Variants in RGL1 observed in about 807,000 individuals in gnomAD.
RGL1 encodes the protein ral guanine nucleotide dissociation stimulator like 1, also known as ral guanine nucleotide dissociation stimulator-like 1.
Under a neutral mutation model 95.2 loss-of-function variants are expected in RGL1, and 24 were observed. That is an observed-to-expected ratio of 0.25 (90% CI 0.18 to 0.35). The LOEUF (loss-of-function observed/expected upper bound fraction) is 0.35, where lower values mean the gene tolerates loss of function less well. Among genes scored for constraint, RGL1 ranks in the 10% least tolerant of loss-of-function variants. The pLI, the probability that RGL1 is intolerant of heterozygous loss-of-function variation, is 1.00. For missense variants in RGL1, 715 were observed against 936.3 expected (o/e 0.76, Z 3.08); for synonymous variants, 329 against 344.9 (o/e 0.95, Z 0.51).
chr1:183,662,766 C>A (rs1027944346), intron 1 of RGL1, among the ~76,000 whole-genome samples: 28 of 152,208 alleles, frequency 1.8e-4, no homozygotes, highest in African/African-American at 6.5e-4. Context: ...CAATCCTAAG[C>A]CAAAAGAACA....
At chr1:183,720,383 C>T (rs1268518658) in intron 1 of RGL1, among the ~76,000 whole-genome samples, 1 of 152,202 alleles carries the variant, frequency 6.6e-6, no homozygotes, top group East Asian at 1.9e-4. Flanking sequence ...TCTTTCATAC[C>T]GTCCCTATAC....
At chr1:183,653,567 C>T (rs1399615828) in intron 1 of RGL1, among the ~76,000 whole-genome samples, 1 of 152,164 alleles carries the variant, frequency 6.6e-6, no homozygotes, top group Non-Finnish European at 1.5e-5. Context: ...GAGTAGGTGC[C>T]AGGCCTGGCG....
At chr1:183,916,158 C>T (rs1363701829) in intron 15 of RGL1, among the ~76,000 whole-genome samples, 1 of 152,186 alleles carries the variant, frequency 6.6e-6, no homozygotes, top group Non-Finnish European at 1.5e-5. Context: ...GTGTCTGCTG[C>T]CACCTGCTGG....
intron 1 of RGL1, among the ~76,000 whole-genome samples, chr1:183,707,036 T>C (rs1654959201): frequency 6.6e-6 from 1 of 152,136 alleles, no homozygotes; most frequent in Non-Finnish European, 1.5e-5. Flanking sequence ...CTGAAAGCTT[T>C]TCATGGTTGA....
At chr1:183,667,378 G>C (rs1245390939) in intron 1 of RGL1, among the ~76,000 whole-genome samples, 3 of 152,106 alleles carry the variant, frequency 2.0e-5, no homozygotes, top group Non-Finnish European at 2.9e-5. Flanking sequence ...AGGCTGGAGT[G>C]CAATGGCGCG....
chr1:183,748,972 GTGGTCTAAGAGA>G (rs777850366), intron 2 of RGL1, among the ~76,000 whole-genome samples: 6 of 152,206 alleles, frequency 3.9e-5, no homozygotes, highest in Non-Finnish European at 8.8e-5. Flanking sequence ...TGATTGCACT[GTGGTCTAAGAGA>G]CCATTTGTTA....
chr1:183,823,755 A>G (rs1445757088), intron 2 of RGL1, among the ~76,000 whole-genome samples: 1 of 152,168 alleles, frequency 6.6e-6, no homozygotes, highest in African/African-American at 2.4e-5. Flanking sequence ...ACCTGTATAG[A>G]ATCAGAGAAG....
intron 10 of RGL1, 105 bp from the exon 11 acceptor site, chr1:183,900,045 C>T (rs536142211): frequency 3.9e-5 from 30 of 772,516 alleles, no homozygotes; most frequent in East Asian, 3.8e-4. Flanking sequence ...ACCACTGGCC[C>T]GCAGTTAGGC....
chr1:183,674,726 A>G (rs1478330521), intron 1 of RGL1, among the ~76,000 whole-genome samples: 2 of 152,234 alleles, frequency 1.3e-5, no homozygotes, highest in Non-Finnish European at 2.9e-5. Context: ...GCAAGAGTGC[A>G]TTATGTACCG....
intron 1 of RGL1, among the ~76,000 whole-genome samples, chr1:183,695,405 C>G (rs1237344928): frequency 6.6e-6 from 1 of 152,186 alleles, no homozygotes; most frequent in Non-Finnish European, 1.5e-5. Context: ...ACTCGTAAAG[C>G]ATTTTTAATG....
intron 1 of RGL1, chr1:183,648,016 C>T: frequency 6.2e-7 from 1 of 1,614,182 alleles, no homozygotes; most frequent in Non-Finnish European, 8.5e-7. Flanking sequence ...TCTAAAGCCT[C>T]CTGAGCTTTT....
At chr1:183,822,002 A>AAGTACTG (rs1274408768) in intron 2 of RGL1, among the ~76,000 whole-genome samples, 1 of 152,154 alleles carries the variant, frequency 6.6e-6, no homozygotes, top group African/African-American at 2.4e-5. Context: ...CTGACAGAAA[A>AAGTACTG]CATGTCCTTA....
At chr1:183,720,077 A>G (rs1308696759) in intron 1 of RGL1, among the ~76,000 whole-genome samples, 1 of 152,324 alleles carries the variant, frequency 6.6e-6, no homozygotes, top group East Asian at 1.9e-4. Context: ...AAAGGATGGT[A>G]GAAAAATTAG....
chr1:183,657,864 A>C (rs1034602817), intron 1 of RGL1, among the ~76,000 whole-genome samples: 1 of 152,022 alleles, frequency 6.6e-6, no homozygotes, highest in Non-Finnish European at 1.5e-5. Flanking sequence ...AGGAATCGCC[A>C]CACTGACTTC....
intron 2 of RGL1, among the ~76,000 whole-genome samples, chr1:183,747,775 G>C (rs1330426124): frequency 6.6e-6 from 1 of 152,160 alleles, no homozygotes; most frequent in Non-Finnish European, 1.5e-5. Context: ...TGTTCATCAG[G>C]GATATTGGCC....
At chr1:183,732,389 C>A (rs1222123320) in intron 1 of RGL1, among the ~76,000 whole-genome samples, 1 of 152,104 alleles carries the variant, frequency 6.6e-6, no homozygotes, top group African/African-American at 2.4e-5. Flanking sequence ...TCCTCTTTCC[C>A]CCCAGACAGA....
At chr1:183,815,186 A>G (rs1213516038) in intron 2 of RGL1, among the ~76,000 whole-genome samples, 1 of 152,110 alleles carries the variant, frequency 6.6e-6, no homozygotes, top group East Asian at 1.9e-4. Flanking sequence ...AGGCAGGAGA[A>G]TCGCCTGAAC....
chr1:183,787,667 T>C (rs1660243775), intron 2 of RGL1, among the ~76,000 whole-genome samples: 1 of 152,136 alleles, frequency 6.6e-6, no homozygotes, highest in South Asian at 2.1e-4. Context: ...AAACTTCATG[T>C]TGAAATTTGA....
At chr1:183,726,626 A>T (rs180686938) in intron 1 of RGL1, among the ~76,000 whole-genome samples, 1 of 152,184 alleles carries the variant, frequency 6.6e-6, no homozygotes, top group Non-Finnish European at 1.5e-5. Flanking sequence ...GTAATTAGAA[A>T]TCTTTCCATA....
Sources: allele counts gnomAD v4.1 joint callset (sites outside exome capture counted in the v4.1 genomes callset), GRCh38; gene constraint gnomAD v4.1.1; transcripts MANE v1.5; gene names NCBI Gene and HGNC (gene_info 2026-07-23, HGNC 2026-07-21).